The following ADAMTSL2 variants were observed in gnomAD, a reference collection of about 807,000 sequenced individuals.
The protein encoded by ADAMTSL2 is ADAMTS like 2.
ADAMTSL2 carries 55 observed loss-of-function variants against 117.0 expected under a neutral mutation model. The ratio of observed to expected loss-of-function variants is 0.47; its 90% CI spans 0.38 to 0.59. ADAMTSL2 has a LOEUF of 0.59. Ranked by LOEUF, ADAMTSL2 falls within the 20% of genes least tolerant of loss-of-function variation. The pLI is 0.00. For synonymous variants in ADAMTSL2, 572 were observed against 566.4 expected (o/e 1.01, Z -0.14); for missense variants, 1,182 against 1,354.5 (o/e 0.87, Z 2.00).
chr9:133,574,998 T>C lies in ADAMTSL2; in HGVS notation c.*134T>C, dbSNP rs1338063391. 1.4e-6 allele frequency: 1 copy of C among 708,286 alleles called. No homozygotes were observed. The highest frequency in any genetic ancestry group is 1.6e-5 in the South Asian group (1 of 63,208). 43.9% of individuals were successfully genotyped at this position (708,286 alleles called of 1,614,324 possible). A position where few individuals can be genotyped will look rare whatever the true frequency, so the allele number is the denominator to read the frequency against. On this transcript the variant is annotated 3_prime_UTR_variant, in exon 19 of 19. Coordinates refer to ENST00000651351, the MANE Select transcript of ADAMTSL2 (RefSeq NM_014694.4). ...GAGACGTGGCACTGAGCCTCGGCTG[T>C]CGAGAGGGGACTTCCCACGGCCCGT...
intron 11 of ADAMTSL2, among the ~76,000 whole-genome samples, chr9:133,560,088 C>T (rs1189858327): frequency 1.3e-5 from 2 of 152,234 alleles, no homozygotes; most frequent in Non-Finnish European, 2.9e-5. Context: ...GTCTGTATCA[C>T]GGAGTCAATC....
Position 133,566,943 on chromosome 9 carries a change from G to A in ADAMTSL2, c.1755G>A (p.Met585Ile). ...PCSATCTTGV[M>I]SAYAMCVRYD... Reference sequence around the variant, plus strand: ...CCCCTGTCCCCAACCCAGGGGTCATGTCTGCGTACGCCATGTGTGTCCGCT... The same window carrying A: ...CCCCTGTCCCCAACCCAGGGGTCATATCTGCGTACGCCATGTGTGTCCGCT... Residue 585 changes from methionine to isoleucine, a missense_variant, in exon 13 of 19, where the codon ATG (methionine) becomes ATA (isoleucine). Met to Ile is a conservative substitution (Grantham distance 10, BLOSUM62 1). This residue lies in a region of ADAMTSL2 where 465 missense variants were observed against 565.3 expected (regional missense o/e 0.82). Coordinates refer to ENST00000651351, the MANE Select transcript of ADAMTSL2 (RefSeq NM_014694.4). The A allele has an allele frequency of 6.2e-7, 1 of 1,607,934 alleles. No individual in the cohort carries two copies. The highest frequency in any genetic ancestry group is 1.1e-5 in the South Asian group (1 of 89,694).
intron 11 of ADAMTSL2, among the ~76,000 whole-genome samples, chr9:133,560,285 C>G (rs1433927784): frequency 2.0e-5 from 3 of 152,188 alleles, no homozygotes; most frequent in Non-Finnish European, 2.9e-5. Context: ...CTGCACTGTC[C>G]AGTTTAAAAA....
chr9:133,551,321 C>T (rs147462601), intron 9 of ADAMTSL2, among the ~76,000 whole-genome samples: 44 of 151,908 alleles, frequency 2.9e-4, no homozygotes, highest in Admixed American at 2.0e-3. Flanking sequence ...GCCATAGCTG[C>T]GAGCTGGAAA....
intron 9 of ADAMTSL2, among the ~76,000 whole-genome samples, chr9:133,550,069 T>C (rs1310881552): frequency 6.6e-6 from 1 of 152,214 alleles, no homozygotes; most frequent in Non-Finnish European, 1.5e-5. Context: ...CCAAGACCCT[T>C]GCACCCACAT....
chr9:133,561,105 C>A, intron 11 of ADAMTSL2, 93 bp from the exon 12 acceptor site: 1 of 1,061,700 alleles, frequency 9.4e-7, no homozygotes, highest in Non-Finnish European at 1.4e-6. Flanking sequence ...GGCGAACATA[C>A]CCTCCGAAGA....
Position 133,540,628 on chromosome 9 carries a change from G to A in ADAMTSL2, c.443G>A (p.Cys148Tyr). Residue 148 changes from cysteine (C) to tyrosine (Y), a missense_variant, in exon 6 of 19, where the codon TGT becomes TAT. Transcript: ENST00000651351. ...TATGTCCACATCTCCAGCAAACCGT[G>A]TGACCTGCACTGTACCACCGTGGAC... The part of the protein sequence containing the change: ...DDYVHISSKP[C>Y]DLHCTTVDGQ... 6.2e-7 allele frequency: 1 copy of A among 1,613,688 alleles called. No homozygotes were observed. The highest frequency in any genetic ancestry group is 1.3e-5 in the African/African-American group (1 of 75,062).
intron 7 of ADAMTSL2, among the ~76,000 whole-genome samples, chr9:133,542,782 C>G (rs1003302426): frequency 1.7e-4 from 26 of 152,194 alleles, no homozygotes; most frequent in African/African-American, 5.8e-4. Flanking sequence ...TTTCCCCGGA[C>G]GAACTGTGCT....
upstream of ADAMTSL2, chr9:133,532,172 G>C (rs1416730390): frequency 1.3e-5 from 2 of 152,152 alleles, no homozygotes; most frequent in African/African-American, 4.8e-5. Context: ...AACACTGGCG[G>C]AGAAAATCCC....
upstream of ADAMTSL2, among the ~76,000 whole-genome samples, chr9:133,533,154 T>G (rs933324949): frequency 4.7e-4 from 54 of 114,566 alleles, 1 homozygote; most frequent in Admixed American, 4.2e-4. Flanking sequence ...GGACTGGGTG[T>G]GTGTGTGCCT....
chr9:133,544,154 A>G (rs1198747391), intron 7 of ADAMTSL2, among the ~76,000 whole-genome samples: 1 of 152,216 alleles, frequency 6.6e-6, no homozygotes, highest in Non-Finnish European at 1.5e-5. Flanking sequence ...TGGGTGACAC[A>G]TGGCAGAGCC....
intron 12 of ADAMTSL2, among the ~76,000 whole-genome samples, chr9:133,563,298 C>T (rs973296990): frequency 6.6e-6 from 1 of 152,218 alleles, no homozygotes; most frequent in African/African-American, 2.4e-5. Context: ...ACCTGCCTTC[C>T]GGGCAGACCC....
upstream of ADAMTSL2, among the ~76,000 whole-genome samples, chr9:133,532,989 C>A (rs1396132199): frequency 6.6e-6 from 1 of 152,158 alleles, no homozygotes; most frequent in Admixed American, 6.5e-5. Flanking sequence ...CCAAGGGAAA[C>A]CGTTAGTCAC....
intron 9 of ADAMTSL2, among the ~76,000 whole-genome samples, chr9:133,547,519 C>T (rs540846916): frequency 3.3e-5 from 5 of 152,384 alleles, no homozygotes; most frequent in African/African-American, 9.6e-5. Flanking sequence ...ACCACCTATT[C>T]TCTCACCCAC....
In ADAMTSL2 at chr9:133,554,674, C is replaced by T. The variant is rs1476263916; in HGVS notation, c.1257C>T (p.Pro419=). 85 of 1,512,700 alleles carry T rather than the reference C, an allele frequency of 5.6e-5. No individual in the cohort carries two copies. The East Asian group carries it at 1.9e-3, about 34-fold the overall frequency. The allele number at this position is 1,512,700 out of a possible 1,614,324, so 93.7% of individuals were successfully genotyped here. A position where few individuals can be genotyped will look rare whatever the true frequency, so the allele number is the denominator to read the frequency against. ...GCGGCGGGGCCTGCGAGGGGCCCCCCAGGGGCAAGGGCTTCCGAGGTAACC... is the reference window on the plus strand; with the variant it reads ...GCGGCGGGGCCTGCGAGGGGCCCCCTAGGGGCAAGGGCTTCCGAGGTAACC... ...QAGGGACEGP[P]RGKGFRDRNV... The change falls in exon 10 of 19, where the codon CCC becomes CCT. Residue 419 remains proline, a synonymous_variant. Coordinates refer to ENST00000651351, the MANE Select transcript of ADAMTSL2 (RefSeq NM_014694.4). This position sits in a 1 kb window ranked among gnomAD's most constrained non-coding sequence, Gnocchi z 5.2.
Position 133,570,430 on chromosome 9 carries a change from C to T in ADAMTSL2, c.2515C>T (p.Leu839Phe), listed in dbSNP as rs1831079034. The T allele has an allele frequency of 1.2e-6, 2 of 1,606,040 alleles. No homozygotes were observed. The highest frequency in any genetic ancestry group is 1.7e-6 in the Non-Finnish European group (2 of 1,176,972). Residue 839 changes from leucine (L) to phenylalanine (F), a missense_variant, in exon 17 of 19, where the codon CTC becomes TTC. By Grantham distance (22) the Leu-to-Phe change is conservative (BLOSUM62 0). Around this residue, in one of 3 missense-constraint regions of ADAMTSL2, gnomAD observed 465 missense variants for 565.3 expected, o/e 0.82. Transcript: ENST00000651351. ...GACGCGCAGTGGCCCCGAGTGCGGG[C>T]TCGCCAAGAAGCCTCCCGAGGAGAG... The part of the protein sequence containing the change: ...PQTRSGPECG[L>F]AKKPPEESTC...
At position 133,557,399 on chromosome 9, in the gene ADAMTSL2, T is replaced by A. The variant is rs1341124170; in HGVS notation, c.1649+1469T>A. Among the ~76,000 whole-genome samples, 1 of 152,146 alleles carries A rather than the reference T, an allele frequency of 6.6e-6. No individual in the cohort carries two copies. The highest frequency in any genetic ancestry group is 1.5e-5 in the Non-Finnish European group (1 of 68,030). ...CGGAGCCTCCTCTGGCTGCCCCTCT[T>A]CCCACAGGGGTGGCACAGGGCTGTC... On this transcript the variant is annotated intron_variant, in intron 11 of 18. Coordinates refer to ENST00000651351, the MANE Select transcript of ADAMTSL2 (RefSeq NM_014694.4). The surrounding 1 kb of genome is among the most constrained non-coding windows in gnomAD (Gnocchi z 5.2).
intron 17 of ADAMTSL2, among the ~76,000 whole-genome samples, chr9:133,573,024 AGCAG>A (rs1213992115): frequency 1.3e-5 from 2 of 152,168 alleles, no homozygotes; most frequent in African/African-American, 2.4e-5. Context: ...CCTGGCTCGG[AGCAG>A]GCAGGCAGGC....
rs1234944574 is a variant in ADAMTSL2 at position 133,549,158 on chromosome 9, C to G, written c.939+1945C>G. 5.5e-5 allele frequency among the ~76,000 whole-genome samples: 2 copies of G among 36,532 alleles called. 1 individual carries two copies. The highest frequency in any genetic ancestry group is 2.1e-4 in the Non-Finnish European group (2 of 9,566). The allele number at this position is 36,532 out of a possible 152,430, so 24.0% of individuals were successfully genotyped here. ...CTGGGACTACAGGCGTCCGCCACTACGCCCGGCTAATTTTTTTTTGTATTT... is the reference window on the plus strand; with the variant it reads ...CTGGGACTACAGGCGTCCGCCACTAGGCCCGGCTAATTTTTTTTTGTATTT... On this transcript the variant is annotated intron_variant, in intron 9 of 18. Coordinates refer to ENST00000651351, the MANE Select transcript of ADAMTSL2 (RefSeq NM_014694.4).
Sources: gnomAD v4.1 joint callset for allele counts (sites outside exome capture counted in the v4.1 genomes callset) on GRCh38, gnomAD v4.1.1 for gene constraint, gnomAD v4.1.1 regional missense constraint, Gnocchi (gnomAD v3.1) non-coding constraint, MANE v1.5 for transcripts, NCBI Gene and HGNC (gene_info 2026-07-23, HGNC 2026-07-21) for gene names.